The following NR2C2 variants were observed in gnomAD, a reference collection of about 807,000 sequenced individuals.
The protein encoded by NR2C2 is nuclear receptor subfamily 2 group C member 2.
In NR2C2, 6 loss-of-function variants were observed where a neutral mutation model predicts 62.9. The observed-to-expected ratio is 0.10, with a 90% CI of 0.05 to 0.19. NR2C2 has a LOEUF of 0.19. Among genes scored for constraint, NR2C2 ranks in the 10% least tolerant of loss-of-function variants. The pLI, the probability that NR2C2 is intolerant of heterozygous loss-of-function variation, is 1.00. For synonymous variants in NR2C2, 272 were observed against 273.8 expected (o/e 0.99, Z 0.07); for missense variants, 479 against 762.7 (o/e 0.63, Z 4.38).
chr3:14,949,833 C>CT (rs2039293145), intron 1 of NR2C2, among the ~76,000 whole-genome samples: 1 of 152,162 alleles, frequency 6.6e-6, no homozygotes, highest in South Asian at 2.1e-4. Context: ...ATATAATTCT[C>CT]TGTGTGTGAG....
intron 1 of NR2C2, among the ~76,000 whole-genome samples, chr3:14,995,997 T>G (rs879285050): frequency 4.6e-5 from 7 of 152,356 alleles, no homozygotes; most frequent in Admixed American, 4.6e-4. Flanking sequence ...GTTCAATCCC[T>G]TTGCTCATTT....
intron 1 of NR2C2, among the ~76,000 whole-genome samples, chr3:14,951,862 C>T (rs916177925): frequency 6.6e-6 from 1 of 152,138 alleles, no homozygotes; most frequent in Admixed American, 6.5e-5. Context: ...ATTCTTCTGC[C>T]TCCGCCTCCC....
At chr3:14,995,129 G>T (rs956496657) in intron 1 of NR2C2, among the ~76,000 whole-genome samples, 30 of 150,970 alleles carry the variant, frequency 2.0e-4, no homozygotes, top group Non-Finnish European at 3.5e-4. Context: ...CTCCTAAGCA[G>T]CTGAGACCAC....
chr3:15,023,916 G>A (rs989687973), intron 6 of NR2C2, among the ~76,000 whole-genome samples, 199 bp from the exon 7 acceptor site: 7 of 152,210 alleles, frequency 4.6e-5, no homozygotes, highest in Admixed American at 3.9e-4. Context: ...GTCTCAAGCT[G>A]TAAACCTGAC....
At chr3:15,001,820 G>A (rs58254866) in intron 1 of NR2C2, among the ~76,000 whole-genome samples, 1 of 151,946 alleles carries the variant, frequency 6.6e-6, no homozygotes, top group Non-Finnish European at 1.5e-5. Flanking sequence ...GTCTTGCTTT[G>A]TTGTCCGGAC....
In NR2C2 at chr3:15,001,578, G is replaced by A. The variant is rs188236388; in HGVS notation, c.-39-2298G>A. ...CTGAACTCCTGACCTCAGGTAATCC[G>A]CCTGCCTTGGCCTCCCAAAGTGCTG... On this transcript the variant is annotated intron_variant, in intron 1 of 13. Coordinates refer to ENST00000425241, the MANE Select transcript of NR2C2 (RefSeq NM_001291694.2). Among the ~76,000 whole-genome samples, 16 of 151,108 alleles carry A rather than the reference G, an allele frequency of 1.1e-4. No homozygotes were observed. The East Asian group carries it at 2.0e-3, about 19-fold the overall frequency.
chr3:14,985,262 T>C (rs138505423), intron 1 of NR2C2, among the ~76,000 whole-genome samples: 234 of 152,248 alleles, frequency 1.5e-3, no homozygotes, highest in African/African-American at 5.5e-3. Flanking sequence ...GCAGAGTCTC[T>C]TGAAGAATAG....
At chr3:15,034,846 G>T (rs1247973879) in intron 11 of NR2C2, 37 bp downstream of exon 11, 1 of 1,566,578 alleles carries the variant, frequency 6.4e-7, no homozygotes, top group Non-Finnish European at 8.7e-7. Context: ...GTGTGTCTTG[G>T]TTCAGCCTGG....
intron 2 of NR2C2, among the ~76,000 whole-genome samples, chr3:15,009,762 C>A (rs2041297737): frequency 6.6e-6 from 1 of 152,166 alleles, no homozygotes; most frequent in Non-Finnish European, 1.5e-5. Context: ...AATTTATTTT[C>A]CCAACCTTCT....
At chr3:14,966,756 G>GTAT (rs1559532949) in intron 1 of NR2C2, among the ~76,000 whole-genome samples, 1 of 152,086 alleles carries the variant, frequency 6.6e-6, no homozygotes, top group African/African-American at 2.4e-5. Flanking sequence ...ACAAAAGTTG[G>GTAT]GTGATATGAA....
In NR2C2 at chr3:15,028,631, A is replaced by G; in HGVS notation, c.844A>G (p.Thr282Ala). 1 of 1,613,748 alleles carries G rather than the reference A, an allele frequency of 6.2e-7. No individual in the cohort carries two copies. The highest frequency in any genetic ancestry group is 8.5e-7 in the Non-Finnish European group (1 of 1,179,864). ...TCTGGGCACACTGGCAAATGTAGTG[A>G]CCTCCCTTGCCAACCTAAGTGAATC... is the stretch of plus-strand genomic sequence containing the variant. ...GALGTLANVV[T>A]SLANLSESLN... Residue 282 changes from threonine to alanine, a missense_variant, in exon 8 of 14, where the codon ACC (threonine) becomes GCC (alanine). This residue lies in a region of NR2C2 where 151 missense variants were observed against 176.1 expected (regional missense o/e 0.86). Coordinates refer to ENST00000425241, the MANE Select transcript of NR2C2 (RefSeq NM_001291694.2).
chr3:14,953,894 C>CAAAAAAAAAAA (rs538255184), intron 1 of NR2C2, among the ~76,000 whole-genome samples: 11 of 74,300 alleles, frequency 1.5e-4, no homozygotes, highest in African/African-American at 4.1e-4. Flanking sequence ...GACTTCATCT[C>CAAAAAAAAAAA]AAAAAAAAAA....
intron 4 of NR2C2, among the ~76,000 whole-genome samples, chr3:15,020,323 T>C (rs1389964772): frequency 1.3e-5 from 2 of 152,202 alleles, no homozygotes; most frequent in Non-Finnish European, 2.9e-5. Flanking sequence ...CACATGCACG[T>C]GTTTGCTATG....
At chr3:14,989,307 G>A (rs145379241) in intron 1 of NR2C2, among the ~76,000 whole-genome samples, 299 of 152,208 alleles carry the variant, frequency 2.0e-3, no homozygotes, top group African/African-American at 6.8e-3. Flanking sequence ...CTACATTTGC[G>A]TATCTTCCTG....
chr3:15,020,198 A>C (rs994845799), intron 4 of NR2C2, among the ~76,000 whole-genome samples: 2 of 152,192 alleles, frequency 1.3e-5, no homozygotes, highest in Non-Finnish European at 2.9e-5. Context: ...TTCGGCAGTG[A>C]CAGTCCCCAT....
chr3:14,974,909 A>G (rs933017966), intron 1 of NR2C2, among the ~76,000 whole-genome samples: 1 of 152,168 alleles, frequency 6.6e-6, no homozygotes, highest in Admixed American at 6.5e-5. Flanking sequence ...CAACCAGTGT[A>G]TACTTACGTT....
At chr3:15,022,398 C>CTTTTTTTTTTTTTTTT (rs71038450) in intron 5 of NR2C2, among the ~76,000 whole-genome samples, 22 of 89,098 alleles carry the variant, frequency 2.5e-4, no homozygotes, top group East Asian at 7.1e-4. Flanking sequence ...CTTTTTCTTT[C>CTTTTTTTTTTTTTTTT]TTTTTTTTTT....
chr3:15,019,601 C>T (rs2041613406), intron 4 of NR2C2, among the ~76,000 whole-genome samples: 2 of 152,070 alleles, frequency 1.3e-5, no homozygotes, highest in African/African-American at 4.8e-5. Context: ...AAATCCTGCA[C>T]TTTGTGACAA....
intron 1 of NR2C2, among the ~76,000 whole-genome samples, chr3:14,995,648 C>T (rs1222769029): frequency 3.5e-5 from 5 of 141,192 alleles, no homozygotes; most frequent in Non-Finnish European, 6.1e-5. Context: ...ACCAGTTTTT[C>T]TGTGGACACG....
Sources: gnomAD v4.1 joint callset for allele counts (sites outside exome capture counted in the v4.1 genomes callset) on GRCh38, gnomAD v4.1.1 for gene constraint, gnomAD v4.1.1 regional missense constraint, MANE v1.5 for transcripts, NCBI Gene and HGNC (gene_info 2026-07-23, HGNC 2026-07-21) for gene names.